The following HIVEP3 variants were observed in gnomAD, a reference collection of about 807,000 sequenced individuals.
HIVEP3 encodes HIVEP zinc finger 3.
In HIVEP3, 49 loss-of-function variants were observed where a neutral mutation model predicts 152.8. That is an observed-to-expected ratio of 0.32 (90% CI 0.26 to 0.41). The LOEUF (loss-of-function observed/expected upper bound fraction) is 0.41, where lower values mean the gene tolerates loss of function less well. Among genes scored for constraint, HIVEP3 ranks in the 10% least tolerant of loss-of-function variants. The pLI is 1.00. For synonymous variants in HIVEP3, 1,269 were observed against 1,289.0 expected (o/e 0.98, Z 0.33); for missense variants, 2,790 against 3,103.3 (o/e 0.90, Z 2.40).
chr1:41,635,933 A>T (rs1468449688), intron 2 of HIVEP3, among the ~76,000 whole-genome samples: 1 of 152,250 alleles, frequency 6.6e-6, no homozygotes, highest in Non-Finnish European at 1.5e-5. Flanking sequence ...ACTATAGAAG[A>T]AACTATAGAA....
In HIVEP3 at chr1:41,627,197, G is replaced by A. The variant is rs192789803; in HGVS notation, c.-522+1552C>T. Among the ~76,000 whole-genome samples, 8 of 152,346 alleles carry A rather than the reference G, an allele frequency of 5.3e-5. No individual in the cohort carries two copies. In the East Asian group the frequency reaches 5.8e-4, roughly 11 times the overall value. ...CACACACGCCAGAAGGGTGACTCAC[G>A]TTTGGGAGGTCCTTGTTAACGTGGC... On this transcript the variant is annotated intron_variant, in intron 3 of 8. Transcript: ENST00000372583.
intron 5 of HIVEP3, among the ~76,000 whole-genome samples, chr1:41,539,978 A>C (rs1643488745): frequency 1.3e-5 from 2 of 152,246 alleles, no homozygotes; most frequent in Admixed American, 1.3e-4. Flanking sequence ...TGAGGCAGAA[A>C]GGCCAGTTGG....
intron 1 of HIVEP3, among the ~76,000 whole-genome samples, chr1:41,979,589 A>G (rs918314338): frequency 6.6e-6 from 1 of 152,046 alleles, no homozygotes; most frequent in African/African-American, 2.4e-5. Flanking sequence ...TTGACATATC[A>G]TTGCACCACA....
intron 1 of HIVEP3, among the ~76,000 whole-genome samples, chr1:41,738,189 G>C (rs1646946180): frequency 6.6e-6 from 1 of 152,206 alleles, no homozygotes; most frequent in Non-Finnish European, 1.5e-5. Context: ...CTCTAGGAAG[G>C]ACGAGCGGGA....
chr1:41,669,588 T>C (rs1645844324), intron 2 of HIVEP3, among the ~76,000 whole-genome samples: 1 of 152,288 alleles, frequency 6.6e-6, no homozygotes, highest in Admixed American at 6.5e-5. Flanking sequence ...AGGAAACTCC[T>C]CCTGCCTGAC....
At chr1:41,663,316 G>C (rs556485807) in intron 2 of HIVEP3, among the ~76,000 whole-genome samples, 1 of 152,240 alleles carries the variant, frequency 6.6e-6, no homozygotes, top group African/African-American at 2.4e-5. Flanking sequence ...GCTGGGGGTC[G>C]GGGGTGTAGA....
chr1:42,021,572 G>T (rs929402469), intron 1 of HIVEP3, among the ~76,000 whole-genome samples: 1 of 151,890 alleles, frequency 6.6e-6, no homozygotes, highest in African/African-American at 2.4e-5. Flanking sequence ...GTGAATATAT[G>T]GGTCTGAATC....
At position 41,507,448 on chromosome 1, in the gene HIVEP3, G is replaced by C. The variant is rs939140953; in HGVS notation, c.*3003C>G. Reference sequence around the variant, plus strand: ...AAGGCATCGTGGAGCGCAGGCCTGGGGGGCAAGGACTCACCAACCAAAGGC... The same window carrying C: ...AAGGCATCGTGGAGCGCAGGCCTGGCGGGCAAGGACTCACCAACCAAAGGC... On this transcript the variant is annotated 3_prime_UTR_variant, in exon 9 of 9. Transcript: ENST00000372583. The C allele has an allele frequency of 2.0e-5, 3 of 152,310 alleles. No homozygotes were observed. Among genetic ancestry groups the C allele is most frequent in the African/African-American group, 7.2e-5 (3 of 41,440 alleles). 9.4% of individuals were successfully genotyped at this position (152,310 alleles called of 1,614,324 possible).
At chr1:41,913,958 T>C (rs1049616865) in intron 1 of HIVEP3, among the ~76,000 whole-genome samples, 4 of 152,226 alleles carry the variant, frequency 2.6e-5, no homozygotes, top group African/African-American at 9.6e-5. Context: ...TCAAGATTTC[T>C]GAGACTAGCT....
At chr1:42,015,629 T>A (rs2124532161) in intron 1 of HIVEP3, among the ~76,000 whole-genome samples, 1 of 152,382 alleles carries the variant, frequency 6.6e-6, no homozygotes, top group Admixed American at 6.5e-5. Context: ...CTCATGGGCA[T>A]CTTTCTAAAT....
At chr1:41,773,839 A>C (rs2124270209) in intron 1 of HIVEP3, among the ~76,000 whole-genome samples, 1 of 152,356 alleles carries the variant, frequency 6.6e-6, no homozygotes, top group East Asian at 1.9e-4. Context: ...TAAATAGAAA[A>C]TTTTATACTA....
chr1:41,842,434 G>T (rs1643314846), intron 1 of HIVEP3, among the ~76,000 whole-genome samples: 1 of 152,052 alleles, frequency 6.6e-6, no homozygotes, highest in Non-Finnish European at 1.5e-5. Context: ...CCTCATAAAG[G>T]CTTCCTGATT....
chr1:41,946,423 T>G (rs1448146812), intron 1 of HIVEP3, among the ~76,000 whole-genome samples: 1 of 152,180 alleles, frequency 6.6e-6, no homozygotes, highest in Non-Finnish European at 1.5e-5. Context: ...CAGTCTTACT[T>G]TCCTGTCCCA....
intron 1 of HIVEP3, among the ~76,000 whole-genome samples, chr1:41,924,865 AAGC>A (rs1430230364): frequency 1.3e-5 from 2 of 152,158 alleles, no homozygotes; most frequent in African/African-American, 2.4e-5. Flanking sequence ...CAAATATCTG[AAGC>A]CATTGATCAG....
intron 2 of HIVEP3, among the ~76,000 whole-genome samples, chr1:41,677,585 T>C (rs1645976096): frequency 1.3e-5 from 2 of 152,240 alleles, no homozygotes; most frequent in African/African-American, 2.4e-5. Flanking sequence ...TACGTGTTAG[T>C]TGAGCCTGTG....
intron 1 of HIVEP3, among the ~76,000 whole-genome samples, chr1:42,024,894 T>C (rs1331979003): frequency 1.3e-5 from 2 of 152,238 alleles, no homozygotes; most frequent in Non-Finnish European, 2.9e-5. Context: ...AGTTTTCAGC[T>C]ATTTCAGTTA....
intron 1 of HIVEP3, among the ~76,000 whole-genome samples, chr1:41,897,938 G>A (rs28574965): frequency 6.2e-5 from 8 of 129,996 alleles, no homozygotes; most frequent in South Asian, 2.5e-4. Flanking sequence ...TGAGAGAGAG[G>A]GAGAGAGAGA....
At chr1:41,944,304 A>T (rs895913650) in intron 1 of HIVEP3, among the ~76,000 whole-genome samples, 2 of 152,228 alleles carry the variant, frequency 1.3e-5, no homozygotes, top group African/African-American at 4.8e-5. Flanking sequence ...AATTAAAAAC[A>T]ATTTTAACAA....
intron 1 of HIVEP3, among the ~76,000 whole-genome samples, chr1:41,787,774 A>T (rs1021264230): frequency 2.6e-4 from 39 of 151,832 alleles, no homozygotes; most frequent in Non-Finnish European, 4.3e-4. Flanking sequence ...GGCTCAAGCG[A>T]TCCTCTTGCC....
Sources: gnomAD v4.1 joint callset for allele counts (sites outside exome capture counted in the v4.1 genomes callset) on GRCh38, gnomAD v4.1.1 for gene constraint, MANE v1.5 for transcripts, NCBI Gene and HGNC (gene_info 2026-07-23, HGNC 2026-07-21) for gene names.